ZFYVE16: variants seen among roughly 807,000 people sequenced by gnomAD.
The protein encoded by ZFYVE16 is zinc finger FYVE domain-containing protein 16.
In ZFYVE16, 89 loss-of-function variants were observed where a neutral mutation model predicts 138.1. The ratio of observed to expected loss-of-function variants is 0.64; its 90% confidence interval spans 0.54 to 0.77. ZFYVE16 has a LOEUF of 0.77. Ranked by LOEUF, ZFYVE16 falls within the 30% of genes least tolerant of loss-of-function variation. The pLI is 0.00. For synonymous variants in ZFYVE16, 596 were observed against 618.3 expected (o/e 0.96, Z 0.53); for missense variants, 1,793 against 1,786.7 (o/e 1.00, Z -0.06).
rs564551100 is a variant in ZFYVE16 at position 80,421,430 on chromosome 5, T to C, written c.-93-6062T>C. ...CTTCTAGGGTTTTTATGGTTTTAGG[T>C]CTAACATTTAAGTCTTTAGTCCATC... On this transcript the variant is annotated intron_variant, in intron 1 of 18. Coordinates refer to ENST00000505560, the MANE Select transcript of ZFYVE16 (RefSeq NM_001284236.3). 1.7e-3 allele frequency among the ~76,000 whole-genome samples: 255 copies of C among 152,348 alleles called. 1 individual carries two copies. The highest frequency in any genetic ancestry group is 6.8e-3 in the Middle Eastern group (2 of 294).
intron 2 of ZFYVE16, among the ~76,000 whole-genome samples, chr5:80,427,816 T>A (rs1748336678): frequency 6.7e-6 from 1 of 149,676 alleles, no homozygotes; most frequent in Non-Finnish European, 1.5e-5. Flanking sequence ...TAAAAAAGGT[T>A]CAAAAGTTAA....
intron 14 of ZFYVE16, among the ~76,000 whole-genome samples, chr5:80,457,818 G>C (rs1177015274): frequency 1.3e-5 from 2 of 151,758 alleles, no homozygotes; most frequent in Non-Finnish European, 2.9e-5. Context: ...ACAAGGTCAA[G>C]AATTGAGACC....
Position 80,437,145 on chromosome 5 carries a change from T to A in ZFYVE16, c.460T>A (p.Phe154Ile). ...EDIKKLLPDDFKSNADSLIGL... is the reference protein window; with the variant it reads ...EDIKKLLPDDIKSNADSLIGL... ...TATTAAAAAATTATTGCCAGATGAT[T>A]TTAAGTCTAATGCAGATTCCTTGAT... The change falls in exon 4 of 19, where the codon TTT (phenylalanine) becomes ATT (isoleucine). Residue 154 changes from phenylalanine (F) to isoleucine (I), a missense_variant. Phe to Ile is a conservative substitution (Grantham distance 21). Around this residue, in one of 2 missense-constraint regions of ZFYVE16, gnomAD observed 1,295 missense variants for 1,204.3 expected, o/e 1.08. Coordinates refer to ENST00000505560, the MANE Select transcript of ZFYVE16 (RefSeq NM_001284236.3). 4.3e-6 allele frequency: 7 copies of A among 1,613,988 alleles called. No homozygotes were observed. The highest frequency in any genetic ancestry group is 5.9e-6 in the Non-Finnish European group (7 of 1,179,936).
rs1355705893 is a variant in ZFYVE16 at position 80,438,476 on chromosome 5, AAT to A, written c.1793_1794del (p.Ile598SerfsTer2). The A allele has an allele frequency of 3.1e-6, 5 of 1,613,710 alleles. No homozygotes were observed. The highest frequency in any genetic ancestry group is 4.2e-6 in the Non-Finnish European group (5 of 1,179,846). ...GTCATGGTATTAATATAATTTGTGA[AAT>A]AGTTGATAAACAAAATACAATAGAA... ...ESHGINIICE[I>X]VDKQNTIENG... On this transcript the variant is annotated frameshift_variant, in exon 4 of 19. Transcript: ENST00000505560. LOFTEE classifies it high-confidence loss of function.
At chr5:80,433,353 C>T (rs578029472) in intron 2 of ZFYVE16, among the ~76,000 whole-genome samples, 13 of 152,232 alleles carry the variant, frequency 8.5e-5, no homozygotes, top group Admixed American at 2.0e-4. Flanking sequence ...AACCAAACAC[C>T]GCATATTCTC....
chr5:80,445,606 G>C (rs1751239859), intron 7 of ZFYVE16, among the ~76,000 whole-genome samples: 2 of 151,864 alleles, frequency 1.3e-5, no homozygotes, highest in African/African-American at 4.8e-5. Flanking sequence ...TGTTGTCCAG[G>C]CTGGAGTGCA....
At position 80,408,380 on chromosome 5, in the gene ZFYVE16, C is replaced by T. The variant is rs538211980; in HGVS notation, c.-94+227C>T. ...CCTCCTGGAGCCTGAAGGGCCAGAC[C>T]GGACTGGACCGGGAGGGCAATCACG... On this transcript the variant is annotated intron_variant, in intron 1 of 18. Transcript: ENST00000505560. Among the ~76,000 whole-genome samples the T allele has an allele frequency of 7.9e-5, 12 of 152,346 alleles. No homozygotes were observed. The East Asian group carries it at 2.3e-3, about 29-fold the overall frequency.
chr5:80,465,306 A>T (rs551955978), intron 15 of ZFYVE16, among the ~76,000 whole-genome samples: 4 of 150,538 alleles, frequency 2.7e-5, no homozygotes, highest in Admixed American at 2.6e-4. Context: ...CTGGACATAA[A>T]CTTTCTGGTT....
rs533480707 is a variant in ZFYVE16 at position 80,455,625 on chromosome 5, G to A, written c.3608-67G>A. 4 of 1,175,424 alleles carry A rather than the reference G, an allele frequency of 3.4e-6. No individual in the cohort carries two copies. The African/African-American group carries it at 6.1e-5, about 18-fold the overall frequency. The allele number at this position is 1,175,424 out of a possible 1,614,324, so 72.8% of individuals were successfully genotyped here. A position where few individuals can be genotyped will look rare whatever the true frequency, so the allele number is the denominator to read the frequency against. ...GTTTGTTTGTAAAATGAGAGTTGAA[G>A]GTAATAAATTCAATAATTTGGGGTT... On this transcript the variant is annotated intron_variant, in intron 11 of 18. Coordinates refer to ENST00000505560, the MANE Select transcript of ZFYVE16 (RefSeq NM_001284236.3).
chr5:80,453,157 T>C (rs1241064882), intron 11 of ZFYVE16, among the ~76,000 whole-genome samples: 1 of 152,178 alleles, frequency 6.6e-6, no homozygotes, highest in Non-Finnish European at 1.5e-5. Flanking sequence ...TATTTGGAAA[T>C]TTTATTAAAC....
At chr5:80,454,073 T>A (rs747812560) in intron 11 of ZFYVE16, 9 of 152,216 alleles carry the variant, frequency 5.9e-5, no homozygotes, top group Non-Finnish European at 1.0e-4. Context: ...CTTTTCACAC[T>A]AATATCTTGT....
At chr5:80,452,693 T>C (rs1038710713) in intron 11 of ZFYVE16, among the ~76,000 whole-genome samples, 1 of 152,158 alleles carries the variant, frequency 6.6e-6, no homozygotes, top group African/African-American at 2.4e-5. Flanking sequence ...TCACTATAAT[T>C]AAAAGCTAAC....
At chr5:80,457,469 T>C (rs1206967216) in intron 14 of ZFYVE16, among the ~76,000 whole-genome samples, 4 of 152,190 alleles carry the variant, frequency 2.6e-5, no homozygotes, top group African/African-American at 9.6e-5. Context: ...GATTGATTTA[T>C]AAAACGTAAC....
At chr5:80,469,150 G>A (rs562174981) in intron 15 of ZFYVE16, among the ~76,000 whole-genome samples, 8 of 147,146 alleles carry the variant, frequency 5.4e-5, no homozygotes, top group African/African-American at 7.6e-5. Context: ...TCACCCAGGC[G>A]GGAGTGCAGT....
chr5:80,474,771 ACT>A lies in ZFYVE16; in HGVS notation c.4405_4406del (p.Leu1469LysfsTer3). ...CSAALCPHLK[T>X]LKSNGMNKIG... ...TGCTGCGCTGTGCCCTCACCTGAAA[ACT>A]CTAAAAAGTAATGGGATGAATAAAA... On this transcript the variant is annotated frameshift_variant, in exon 18 of 19. Coordinates refer to ENST00000505560, the MANE Select transcript of ZFYVE16 (RefSeq NM_001284236.3). LOFTEE classifies it high-confidence loss of function. 1 of 1,613,804 alleles carries A rather than the reference ACT, an allele frequency of 6.2e-7. No individual in the cohort carries two copies. Among genetic ancestry groups the A allele is most frequent in the Non-Finnish European group, 8.5e-7 (1 of 1,179,842 alleles).
chr5:80,424,492 T>TG (rs1242024109), intron 1 of ZFYVE16, among the ~76,000 whole-genome samples: 2 of 151,190 alleles, frequency 1.3e-5, no homozygotes. Context: ...GACAGGATCT[T>TG]GCTCTGTTGC....
chr5:80,463,390 T>C (rs1342832726), intron 15 of ZFYVE16, among the ~76,000 whole-genome samples: 1 of 152,134 alleles, frequency 6.6e-6, no homozygotes, highest in East Asian at 1.9e-4. Flanking sequence ...GAGCTATATT[T>C]TGGCCCCTTT....
chr5:80,457,157 G>A, intron 14 of ZFYVE16, 65 bp downstream of exon 14: 11 of 1,568,800 alleles, frequency 7.0e-6, no homozygotes, highest in African/African-American at 4.2e-5. Flanking sequence ...TCCTTTCAAA[G>A]GGGAAATATA....
Position 80,472,912 on chromosome 5 carries a change from A to T in ZFYVE16, c.4176A>T (p.Lys1392Asn). The part of the protein sequence containing the change: ...VDICWVDAEE[K>N]GNKGVISSVD... ...TCTGCTGGGTAGATGCTGAAGAAAA[A>T]GGAAACAAAGGGTAGGAATTTTTTT... is the stretch of plus-strand genomic sequence containing the variant. The change falls in exon 16 of 19, where the codon AAA becomes AAT. Residue 1392 changes from lysine (K) to asparagine (N), a missense_variant. Around this residue, in one of 2 missense-constraint regions of ZFYVE16, gnomAD observed 498 missense variants for 582.4 expected, o/e 0.86. Transcript: ENST00000505560. 6.3e-7 allele frequency: 1 copy of T among 1,596,198 alleles called. No individual in the cohort carries two copies. Among genetic ancestry groups the T allele is most frequent in the Non-Finnish European group, 8.5e-7 (1 of 1,171,980 alleles).
Sources: gnomAD v4.1 joint callset for allele counts (sites outside exome capture counted in the v4.1 genomes callset) on GRCh38, gnomAD v4.1.1 for gene constraint, gnomAD v4.1.1 regional missense constraint, MANE v1.5 for transcripts, NCBI Gene and HGNC (gene_info 2026-07-23, HGNC 2026-07-21) for gene names.